Variants in GATAD2A observed in about 807,000 individuals in gnomAD.
GATAD2A encodes the protein transcriptional repressor p66-alpha.
A neutral mutation model predicts 68.5 loss-of-function variants in GATAD2A; 12 were observed. The observed-to-expected ratio is 0.18, with a 90% CI of 0.11 to 0.28. The LOEUF (loss-of-function observed/expected upper bound fraction) is 0.28, where lower values mean the gene tolerates loss of function less well. Ranked by LOEUF, GATAD2A falls within the 10% of genes least tolerant of loss-of-function variation. The pLI, the probability that GATAD2A is intolerant of heterozygous loss-of-function variation, is 1.00. For missense variants in GATAD2A, 755 were observed against 868.5 expected, an observed-to-expected ratio of 0.87 and a Z score of 1.64; for synonymous variants, 410 against 375.3, an observed-to-expected ratio of 1.09 and a Z score of -1.07.
At chr19:19,432,365 A>C (rs2053850010) in intron 1 of GATAD2A, among the ~76,000 whole-genome samples, 1 of 151,804 alleles carries the variant, frequency 6.6e-6, no homozygotes, top group South Asian at 2.1e-4. Context: ...GCAGTGGCTC[A>C]ATTTCAGCTC....
At chr19:19,484,733 CTG>C (rs2059316724) in intron 2 of GATAD2A, among the ~76,000 whole-genome samples, 1 of 152,014 alleles carries the variant, frequency 6.6e-6, no homozygotes, top group African/African-American at 2.4e-5. Flanking sequence ...CGAGGTTTCA[CTG>C]TGTTAGCCAG....
chr19:19,429,131 G>C (rs2036795632), intron 1 of GATAD2A: 1 of 936,556 alleles, frequency 1.1e-6, no homozygotes, highest in South Asian at 4.9e-5. Flanking sequence ...GTGGGTGTTA[G>C]ATGAGGTGAT....
At chr19:19,430,264 A>G (rs1297360402) in intron 1 of GATAD2A, among the ~76,000 whole-genome samples, 1 of 152,204 alleles carries the variant, frequency 6.6e-6, no homozygotes, top group Non-Finnish European at 1.5e-5. Context: ...CAGCCAGCGC[A>G]TGGTAGACCA....
Position 19,505,562 on chromosome 19 carries a change from C to A in GATAD2A, c.*88C>A. On this transcript the variant is annotated 3_prime_UTR_variant, in exon 12 of 12. Coordinates refer to ENST00000683918, the MANE Select transcript of GATAD2A (RefSeq NM_001384528.1). ...GACCCACTGCACCACCCTCCGCTGG[C>A]TCGGGAAGACACCGTGCCCGCCCCA... 8.2e-7 allele frequency: 1 copy of A among 1,212,820 alleles called. No homozygotes were observed. The highest frequency in any genetic ancestry group is 1.1e-6 in the Non-Finnish European group (1 of 885,914). 75.1% of individuals were successfully genotyped at this position (1,212,820 alleles called of 1,614,324 possible). A position where few individuals can be genotyped will look rare whatever the true frequency, so the allele number is the denominator to read the frequency against.
At chr19:19,408,255 G>A (rs527454244) in intron 1 of GATAD2A, among the ~76,000 whole-genome samples, 18 of 152,332 alleles carry the variant, frequency 1.2e-4, no homozygotes, top group African/African-American at 4.1e-4. Context: ...AAAGTGCTGG[G>A]ATTACAGGCG....
chr19:19,490,172 G>A (rs1304015016), intron 2 of GATAD2A, among the ~76,000 whole-genome samples: 1 of 152,140 alleles, frequency 6.6e-6, no homozygotes, highest in East Asian at 1.9e-4. Context: ...CCAGGTCTCT[G>A]GTGAGAAGCT....
At chr19:19,469,957 AAAAG>A (rs752090138) in intron 2 of GATAD2A, among the ~76,000 whole-genome samples, 1 of 151,422 alleles carries the variant, frequency 6.6e-6, no homozygotes, top group African/African-American at 2.4e-5. Flanking sequence ...GAAAAAAAAA[AAAAG>A]AAGCAAGATT....
At chr19:19,467,195 G>A (rs2057936094) in intron 2 of GATAD2A, among the ~76,000 whole-genome samples, 1 of 152,194 alleles carries the variant, frequency 6.6e-6, no homozygotes, top group African/African-American at 2.4e-5. Flanking sequence ...CTAACACGGT[G>A]AAACCCCATC....
At chr19:19,469,364 G>A (rs781580550) in intron 2 of GATAD2A, among the ~76,000 whole-genome samples, 11 of 149,304 alleles carry the variant, frequency 7.4e-5, no homozygotes, top group Non-Finnish European at 1.5e-4. Flanking sequence ...CCTGGGAGGC[G>A]GAGCTTGCAG....
At chr19:19,475,888 A>G (rs1173339470) in intron 2 of GATAD2A, among the ~76,000 whole-genome samples, 1 of 152,170 alleles carries the variant, frequency 6.6e-6, no homozygotes, top group African/African-American at 2.4e-5. Context: ...GTTAGATTAT[A>G]TAGGGGCACC....
chr19:19,484,480 A>ACTTTTT (rs1315404911), intron 2 of GATAD2A, among the ~76,000 whole-genome samples: 2 of 150,526 alleles, frequency 1.3e-5, no homozygotes, highest in East Asian at 3.9e-4. Context: ...GGAACTGATA[A>ACTTTTT]CTGTGTCCTT....
rs1417970686 is a variant in GATAD2A, at chr19:19,495,789, C to T, written c.660C>T (p.Pro220=). ...CTCGGATGCCCGGCAGTGTCATACC[C>T]CCGCCCCTGGTCCGAGGTGGGCAGC... ...SSARMPGSVI[P]PPLVRGGQQA... The change falls in exon 6 of 12, where the codon CCC becomes CCT. Residue 220 remains proline, a synonymous_variant. Transcript: ENST00000683918. 1 of 1,613,592 alleles carries T rather than the reference C, an allele frequency of 6.2e-7. No individual in the cohort carries two copies. The highest frequency in any genetic ancestry group is 1.3e-5 in the African/African-American group (1 of 75,024).
At chr19:19,465,168 G>T (rs1335735746) in intron 1 of GATAD2A, among the ~76,000 whole-genome samples, 172 bp from the exon 2 acceptor site, 2 of 152,190 alleles carry the variant, frequency 1.3e-5, no homozygotes, top group Admixed American at 1.3e-4. Flanking sequence ...CTTCCTCAAG[G>T]CAGTGATGAA....
rs530121105 is a variant in GATAD2A, at chr19:19,436,298, T to C, written c.-6-29042T>C. On this transcript the variant is annotated intron_variant, in intron 1 of 11. Transcript: ENST00000683918. ...GCTTCGGTCAGCTTCTTGGACACTT[T>C]AAAGTGAGTGCTGCTTCAGCCACCT... 161 of 729,398 alleles carry C rather than the reference T, an allele frequency of 2.2e-4. No individual in the cohort carries two copies. The African/African-American group carries it at 2.7e-3, about 12-fold the overall frequency. 45.2% of individuals were successfully genotyped at this position (729,398 alleles called of 1,614,324 possible).
upstream of GATAD2A, among the ~76,000 whole-genome samples, chr19:19,405,610 C>T (rs1229655074): frequency 6.6e-6 from 1 of 151,910 alleles, no homozygotes; most frequent in African/African-American, 2.4e-5. Flanking sequence ...AGGGGCCCGC[C>T]TTCTACGCCT....
intron 2 of GATAD2A, 149 bp downstream of exon 2, chr19:19,465,763 C>A: frequency 2.1e-6 from 2 of 949,840 alleles, no homozygotes; most frequent in Non-Finnish European, 3.1e-6. Flanking sequence ...TCACCCACCA[C>A]TGGCAGCTGT....
At position 19,506,533 on chromosome 19, in the gene GATAD2A, A is replaced by G. The variant is rs2060875082; in HGVS notation, c.*1059A>G. Reference sequence around the variant, plus strand: ...CCAGGTGTGCGGCGAGCCGCTGCGCACAGATGTCAGGATTTCCGTTTGGGT... The same window carrying G: ...CCAGGTGTGCGGCGAGCCGCTGCGCGCAGATGTCAGGATTTCCGTTTGGGT... On this transcript the variant is annotated 3_prime_UTR_variant, in exon 12 of 12. Transcript: ENST00000683918. The G allele has an allele frequency of 5.7e-6, 1 of 174,068 alleles. No homozygotes were observed. The highest frequency in any genetic ancestry group is 2.0e-4 in the South Asian group (1 of 5,000). 10.8% of individuals were successfully genotyped at this position (174,068 alleles called of 1,614,324 possible).
At chr19:19,500,652 G>A (rs1300579165) in intron 8 of GATAD2A, among the ~76,000 whole-genome samples, 5 of 152,224 alleles carry the variant, frequency 3.3e-5, no homozygotes, top group African/African-American at 9.6e-5. Flanking sequence ...GGCCTATCCC[G>A]GGTGTGAGTC....
exon 1 of GATAD2A, chr19:19,385,966 G>T (rs1444807435): frequency 6.7e-6 from 1 of 148,836 alleles, no homozygotes; most frequent in Non-Finnish European, 1.5e-5. Context: ...GCCCCGCGCC[G>T]CCCGCGCAGT....
Sources: allele counts gnomAD v4.1 joint callset (sites outside exome capture counted in the v4.1 genomes callset), GRCh38; gene constraint gnomAD v4.1.1; transcripts MANE v1.5; gene names NCBI Gene and HGNC (gene_info 2026-07-23, HGNC 2026-07-21).